Variants in MINDY2 observed in about 807,000 individuals in gnomAD.
The protein encoded by MINDY2 is ubiquitin carboxyl-terminal hydrolase MINDY-2.
Under a neutral mutation model 68.2 loss-of-function variants are expected in MINDY2, and 52 were observed. That is an observed-to-expected ratio of 0.76 (90% CI 0.61 to 0.96). The LOEUF (loss-of-function observed/expected upper bound fraction) is 0.96. Among genes scored for constraint, MINDY2 ranks in the 40% least tolerant of loss-of-function variants. The pLI, the probability that MINDY2 is intolerant of heterozygous loss-of-function variation, is 0.00. For missense variants in MINDY2, 881 were observed against 773.4 expected, an observed-to-expected ratio of 1.14 and a Z score of -1.65; for synonymous variants, 372 against 303.0, an observed-to-expected ratio of 1.23 and a Z score of -2.36.
At chr15:58,799,924 A>G (rs1166682396) in intron 2 of MINDY2, among the ~76,000 whole-genome samples, 2 of 152,252 alleles carry the variant, frequency 1.3e-5, no homozygotes, top group African/African-American at 4.8e-5. Flanking sequence ...TTGTGACTTC[A>G]GCCATCTAAA....
At chr15:58,814,018 GCCT>G (rs1370311312) in intron 4 of MINDY2, among the ~76,000 whole-genome samples, 12 of 146,690 alleles carry the variant, frequency 8.2e-5, no homozygotes, top group African/African-American at 3.0e-4. Context: ...GCTCAGTGCA[GCCT>G]CCTGCTCCCA....
chr15:58,789,069 G>C (rs766890038), intron 2 of MINDY2, among the ~76,000 whole-genome samples: 7 of 151,966 alleles, frequency 4.6e-5, no homozygotes, highest in Non-Finnish European at 8.8e-5. Flanking sequence ...CGGGCACGGT[G>C]GCTCACGCCT....
At chr15:58,817,898 C>T (rs2030802526) in intron 4 of MINDY2, among the ~76,000 whole-genome samples, 1 of 152,132 alleles carries the variant, frequency 6.6e-6, no homozygotes, top group Admixed American at 6.6e-5. Flanking sequence ...AGCAATTTGG[C>T]AAGGCATACA....
chr15:58,818,326 A>G (rs1294007813), intron 4 of MINDY2, among the ~76,000 whole-genome samples: 1 of 152,182 alleles, frequency 6.6e-6, no homozygotes, highest in East Asian at 1.9e-4. Context: ...TGGCGTGATC[A>G]TAGCTCACTG....
intron 1 of MINDY2, among the ~76,000 whole-genome samples, chr15:58,773,166 G>T (rs952104224): frequency 6.6e-6 from 1 of 152,112 alleles, no homozygotes; most frequent in East Asian, 1.9e-4. Context: ...GGGTGTGGTG[G>T]TGTGCGCCTG....
chr15:58,831,689 C>G, intron 5 of MINDY2, 85 bp from the exon 6 acceptor site: 1 of 1,267,270 alleles, frequency 7.9e-7, no homozygotes, highest in East Asian at 2.5e-5. Context: ...TTTTTCCATA[C>G]TTGGAACACA....
At chr15:58,776,474 A>G (rs1900780387) in intron 1 of MINDY2, among the ~76,000 whole-genome samples, 1 of 152,200 alleles carries the variant, frequency 6.6e-6, no homozygotes, top group South Asian at 2.1e-4. Flanking sequence ...AAATAGGGCA[A>G]TGTCATGATA....
Position 58,772,036 on chromosome 15 carries a change from C to T in MINDY2, c.641C>T (p.Ala214Val). 1.2e-6 allele frequency: 2 copies of T among 1,604,478 alleles called. No homozygotes were observed. The highest frequency in any genetic ancestry group is 2.2e-5 in the East Asian group (1 of 44,834). Residue 214 changes from alanine to valine, a missense_variant, in exon 1 of 9, where the codon GCT (alanine) becomes GTT (valine). By Grantham distance (64) the Ala-to-Val change is moderately conservative. Coordinates refer to ENST00000559228, the MANE Select transcript of MINDY2 (RefSeq NM_001040450.3). ...EEEGAAVLPG[A>V]VPLCKEEEGE... ...GAGGGCGCGGCGGTGTTGCCCGGGG[C>T]TGTTCCTCTGTGCAAGGAGGAGGAG...
intron 3 of MINDY2, among the ~76,000 whole-genome samples, chr15:58,806,364 T>C (rs928175070): frequency 6.6e-6 from 1 of 150,646 alleles, no homozygotes; most frequent in Admixed American, 6.6e-5. Context: ...CTTTTTTTTT[T>C]TTTTTTTTTT....
rs1291315061 is a variant in MINDY2, at chr15:58,855,356, T to TA, written c.*747dup. 1 of 152,610 alleles carries TA rather than the reference T, an allele frequency of 6.6e-6. No homozygotes were observed. The highest frequency in any genetic ancestry group is 1.5e-5 in the Non-Finnish European group (1 of 68,040). 9.5% of individuals were successfully genotyped at this position (152,610 alleles called of 1,614,324 possible). ...AAATTTTGAGGAATTTTGGAGTCTT[T>TA]ATCATAGGTAACCTGGACCACAGTT... On this transcript the variant is annotated 3_prime_UTR_variant, in exon 9 of 9. Transcript: ENST00000559228.
At chr15:58,850,271 C>G (rs1398974781) in intron 7 of MINDY2, among the ~76,000 whole-genome samples, 1 of 152,128 alleles carries the variant, frequency 6.6e-6, no homozygotes. Flanking sequence ...TATATGATGG[C>G]TACTGTGTTG....
At chr15:58,805,936 G>A (rs148616074) in intron 3 of MINDY2, among the ~76,000 whole-genome samples, 6 of 152,250 alleles carry the variant, frequency 3.9e-5, no homozygotes, top group African/African-American at 4.8e-5. Flanking sequence ...TTAGCTGGGC[G>A]TGGTGGCACG....
intron 4 of MINDY2, among the ~76,000 whole-genome samples, chr15:58,814,956 A>G (rs1365098870): frequency 6.6e-6 from 1 of 151,788 alleles, no homozygotes; most frequent in Non-Finnish European, 1.5e-5. Flanking sequence ...ATTTCAGTGA[A>G]GTTCACTTTA....
chr15:58,798,328 T>C (rs1902417964), intron 2 of MINDY2, among the ~76,000 whole-genome samples: 1 of 150,832 alleles, frequency 6.6e-6, no homozygotes, highest in African/African-American at 2.4e-5. Context: ...GATTTGTCTA[T>C]GTTGGCCAGG....
intron 5 of MINDY2, among the ~76,000 whole-genome samples, chr15:58,824,539 G>C (rs549885066): frequency 6.6e-6 from 1 of 152,086 alleles, no homozygotes; most frequent in South Asian, 2.1e-4. Flanking sequence ...CTACAAATTT[G>C]TAGTTCATTT....
At chr15:58,776,656 G>C (rs1196701986) in intron 1 of MINDY2, among the ~76,000 whole-genome samples, 4 of 152,104 alleles carry the variant, frequency 2.6e-5, no homozygotes, top group African/African-American at 9.7e-5. Context: ...TAGAGGAAAG[G>C]AACAACAACC....
chr15:58,827,135 A>T (rs1370344193), intron 5 of MINDY2, among the ~76,000 whole-genome samples: 2 of 152,174 alleles, frequency 1.3e-5, no homozygotes, highest in Non-Finnish European at 2.9e-5. Flanking sequence ...CATGAGCCTG[A>T]TTATCTCATT....
At chr15:58,852,029 G>T in intron 8 of MINDY2, 64 bp downstream of exon 8, 1 of 1,284,830 alleles carries the variant, frequency 7.8e-7, no homozygotes, top group Non-Finnish European at 1.1e-6. Flanking sequence ...GCTCACACCT[G>T]TATTCCCAGC....
intron 4 of MINDY2, chr15:58,815,325 A>G (rs866358905): frequency 6.6e-6 from 1 of 152,154 alleles, no homozygotes; most frequent in Non-Finnish European, 1.5e-5. Context: ...TTTAAAACTT[A>G]TAAGTATTTA....
Sources: allele counts gnomAD v4.1 joint callset (sites outside exome capture counted in the v4.1 genomes callset), GRCh38; gene constraint gnomAD v4.1.1; transcripts MANE v1.5; gene names NCBI Gene and HGNC (gene_info 2026-07-23, HGNC 2026-07-21).